CIITA: variants seen among roughly 807,000 people sequenced by gnomAD.
CIITA encodes the protein MHC class II transactivator.
A neutral mutation model predicts 115.1 loss-of-function variants in CIITA; 72 were observed. That is an observed-to-expected ratio of 0.63 (90% CI 0.52 to 0.76). The LOEUF is 0.76. CIITA is among the 30% of genes least tolerant of loss of function. The probability of loss-of-function intolerance (pLI) is 0.00; values close to 1 mark genes in which losing one functional copy is unlikely to be tolerated. For missense variants in CIITA, 1,617 were observed against 1,463.8 expected, an observed-to-expected ratio of 1.10 and a Z score of -1.71; for synonymous variants, 763 against 635.6, an observed-to-expected ratio of 1.20 and a Z score of -3.02.
At chr16:10,903,707 C>T (rs1394016308) in intron 8 of CIITA, 24 bp from the exon 9 acceptor site, 3 of 1,613,916 alleles carry the variant, frequency 1.9e-6, no homozygotes, top group East Asian at 4.5e-5. Context: ...GTTATTCTCA[C>T]ACCACTCTCC....
At position 10,942,053 on chromosome 16, in the gene CIITA, C is replaced by G; in HGVS notation, n.1179C>G. ...GCCCGGCGATCCCGGCGAACTCAGC[C>G]GCTGCGGCGCCCGGGCGGCCGGCGA... On this transcript the variant is annotated non_coding_transcript_exon_variant, in exon 2 of 2. Coordinates refer to the CIITA transcript ENST00000573379. This position sits in a 1 kb window ranked among gnomAD's most constrained non-coding sequence, Gnocchi z 5.0. 2 of 1,334,132 alleles carry G rather than the reference C, an allele frequency of 1.5e-6. No homozygotes were observed. The highest frequency in any genetic ancestry group is 1.9e-6 in the Non-Finnish European group (2 of 1,045,036). 82.6% of individuals were successfully genotyped at this position (1,334,132 alleles called of 1,614,324 possible). A position where few individuals can be genotyped will look rare whatever the true frequency, so the allele number is the denominator to read the frequency against.
rs146990823 is a variant in CIITA at position 10,902,280 on chromosome 16, A to C, written c.628+96A>C. On this transcript the variant is annotated intron_variant, in intron 7 of 19. Coordinates refer to ENST00000324288, the MANE Select transcript of CIITA (RefSeq NM_000246.4). ...CAGGGACTGTCAGGAACTGGACCTC[A>C]CCTCTCCCCAACCCTATCAGTGTCA... 1,162 of 1,514,464 alleles carry C rather than the reference A, an allele frequency of 7.7e-4. 24 individuals carry two copies. The East Asian group carries it at 0.02, about 27-fold the overall frequency. 93.8% of individuals were successfully genotyped at this position (1,514,464 alleles called of 1,614,324 possible). A position where few individuals can be genotyped will look rare whatever the true frequency, so the allele number is the denominator to read the frequency against.
At position 10,934,613 on chromosome 16, in the gene CIITA, A is replaced by T. The variant is rs867784792; in HGVS notation, c.*10758A>T. On this transcript the variant is annotated 3_prime_UTR_variant, in exon 20 of 20. Coordinates refer to ENST00000324288, the MANE Select transcript of CIITA (RefSeq NM_000246.4). This position sits in a 1 kb window ranked among gnomAD's most constrained non-coding sequence, Gnocchi z 4.2. ...ATGGGTATCTGAGATGAGTCATCGA[A>T]CTTCTGCAAGCCTCAGTTTCCTCCC... The T allele has an allele frequency of 2.6e-5, 4 of 152,274 alleles. No individual in the cohort carries two copies. In the East Asian group the frequency reaches 7.7e-4, roughly 29 times the overall value. The allele number at this position is 152,274 out of a possible 1,614,324, so 9.4% of individuals were successfully genotyped here.
Position 10,942,500 on chromosome 16 carries a change from A to G in CIITA, n.1626A>G, listed in dbSNP as rs950706950. The stretch of plus-strand genomic sequence containing the variant: ...CCGCCTCCCGAGGGGCCCCGAGCTC[A>G]TTGGCAGGCCGCCCCCTGCACGCGC... On this transcript the variant is annotated non_coding_transcript_exon_variant, in exon 2 of 2. Coordinates refer to the CIITA transcript ENST00000573379. This position sits in a 1 kb window ranked among gnomAD's most constrained non-coding sequence, Gnocchi z 5.0. 5.3e-5 allele frequency: 8 copies of G among 152,256 alleles called. No homozygotes were observed. Among genetic ancestry groups the G allele is most frequent in the African/African-American group, 1.9e-4 (8 of 41,394 alleles). The allele number at this position is 152,256 out of a possible 1,614,324, so 9.4% of individuals were successfully genotyped here. A position where few individuals can be genotyped will look rare whatever the true frequency, so the allele number is the denominator to read the frequency against.
chr16:10,899,752 G>A (rs1051137323), intron 5 of CIITA, among the ~76,000 whole-genome samples: 7 of 152,118 alleles, frequency 4.6e-5, no homozygotes, highest in Non-Finnish European at 7.4e-5. Flanking sequence ...CAGGTGAATC[G>A]CACACAGGGT....
chr16:10,898,842 C>T, intron 4 of CIITA, 83 bp from the exon 5 acceptor site: 1 of 1,587,484 alleles, frequency 6.3e-7, no homozygotes, highest in Non-Finnish European at 8.6e-7. Flanking sequence ...AGTCAGACCC[C>T]TCTCCCCAAG....
At position 10,942,648 on chromosome 16, in the gene CIITA, T is replaced by G. The variant is rs1305924750; in HGVS notation, n.1774T>G. On this transcript the variant is annotated non_coding_transcript_exon_variant, in exon 2 of 2. Transcript: ENST00000573379. This position sits in a 1 kb window ranked among gnomAD's most constrained non-coding sequence, Gnocchi z 5.0. Reference sequence around the variant, plus strand: ...TTCCTGGTTCGGGTCTGCCCTCAGATCTCAAATCGAATTCGCTCTGCGTAT... The same window carrying G: ...TTCCTGGTTCGGGTCTGCCCTCAGAGCTCAAATCGAATTCGCTCTGCGTAT... 6.6e-6 allele frequency: 1 copy of G among 152,254 alleles called. No homozygotes were observed. The highest frequency in any genetic ancestry group is 2.4e-5 in the African/African-American group (1 of 41,470). 9.4% of individuals were successfully genotyped at this position (152,254 alleles called of 1,614,324 possible). A position where few individuals can be genotyped will look rare whatever the true frequency, so the allele number is the denominator to read the frequency against.
upstream of CIITA, among the ~76,000 whole-genome samples, chr16:10,874,030 G>C (rs1395777821): frequency 1.3e-5 from 2 of 152,166 alleles, no homozygotes; most frequent in Non-Finnish European, 2.9e-5. Flanking sequence ...GCCCAGGCTG[G>C]AGTGCAGTGG....
rs915566847 is a variant in CIITA, at chr16:10,935,651, C to A, written c.*11796C>A. 10 of 152,248 alleles carry A rather than the reference C, an allele frequency of 6.6e-5. No homozygotes were observed. Among genetic ancestry groups the A allele is most frequent in the Admixed American group, 3.3e-4 (5 of 15,282 alleles). The allele number at this position is 152,248 out of a possible 1,614,324, so 9.4% of individuals were successfully genotyped here. On this transcript the variant is annotated 3_prime_UTR_variant, in exon 20 of 20. Coordinates refer to ENST00000324288, the MANE Select transcript of CIITA (RefSeq NM_000246.4). ...ACCTGGCAGACACCACCTTCACCAA[C>A]TGATCAAAGTTAACATCGCCAGAAA...
intron 1 of CIITA, among the ~76,000 whole-genome samples, chr16:10,887,245 G>T (rs183904893): frequency 2.6e-5 from 4 of 151,898 alleles, no homozygotes; most frequent in Non-Finnish European, 5.9e-5. Context: ...GTTGGTGTTG[G>T]GGGGGGCCTT....
chr16:10,923,801 G>A lies in CIITA; in HGVS notation c.*23-77G>A. On this transcript the variant is annotated intron_variant, in intron 19 of 19. Transcript: ENST00000324288. This position sits in a 1 kb window ranked among gnomAD's most constrained non-coding sequence, Gnocchi z 5.2. ...CCCCTCCCATCCCCCCATCTTGATA[G>A]CACCCTTCCCAGGTGTCAAGCTGCC... 5.4e-6 allele frequency: 1 copy of A among 184,976 alleles called. No homozygotes were observed. The highest frequency in any genetic ancestry group is 1.1e-5 in the Non-Finnish European group (1 of 87,774). 11.5% of individuals were successfully genotyped at this position (184,976 alleles called of 1,614,324 possible).
rs1285021000 is a variant in CIITA, at chr16:10,907,147, G to T, written c.1655G>T (p.Arg552Leu). 1.9e-6 allele frequency: 3 copies of T among 1,611,944 alleles called. No homozygotes were observed. Among genetic ancestry groups the T allele is most frequent in the African/African-American group, 1.3e-5 (1 of 74,568 alleles). Reference sequence around the variant, plus strand: ...CTCCTCACAGCCCGGCCCCGGGGCCGCCTGGTCCAGAGCCTGAGCAAGGCC... The same window carrying T: ...CTCCTCACAGCCCGGCCCCGGGGCCTCCTGGTCCAGAGCCTGAGCAAGGCC... ...TLLLTARPRG[R>L]LVQSLSKADA... The change falls in exon 11 of 20, where the codon CGC becomes CTC. Residue 552 changes from arginine to leucine, a missense_variant. Transcript: ENST00000324288. This position sits in a 1 kb window ranked among gnomAD's most constrained non-coding sequence, Gnocchi z 5.0.
Position 10,879,738 on chromosome 16 carries a change from C to A in CIITA, c.52+2356C>A, listed in dbSNP as rs76821690. On this transcript the variant is annotated intron_variant, in intron 1 of 19. Coordinates refer to ENST00000324288, the MANE Select transcript of CIITA (RefSeq NM_000246.4). The surrounding 1 kb of genome is among the most constrained non-coding windows in gnomAD (Gnocchi z 4.3). Reference sequence around the variant, plus strand: ...CACCCTCTAAGGAGAGAGGCTAAAGCGCCCCGGAAAGCCAGCGTGCGAATG... The same window carrying A: ...CACCCTCTAAGGAGAGAGGCTAAAGAGCCCCGGAAAGCCAGCGTGCGAATG... Among the ~76,000 whole-genome samples, 1 of 152,166 alleles carries A rather than the reference C, an allele frequency of 6.6e-6. No individual in the cohort carries two copies. The highest frequency in any genetic ancestry group is 2.4e-5 in the African/African-American group (1 of 41,434).
chr16:10,903,779 TCCACGG>T lies in CIITA; in HGVS notation c.824_829del (p.His275_Gly276del), dbSNP rs1460200857. On this transcript the variant is annotated inframe_deletion, in exon 9 of 20. Transcript: ENST00000324288. ...GTACCCCCTCCCAGTGGATTCACTG[TCCACGG>T]CCTCCCAACATCTCCAGACCGGCCA... 2 of 1,614,164 alleles carry T rather than the reference TCCACGG, an allele frequency of 1.2e-6. No homozygotes were observed. The highest frequency in any genetic ancestry group is 4.5e-5 in the East Asian group (2 of 44,884).
At chr16:10,903,678 T>C (rs564629126) in intron 8 of CIITA, 53 bp from the exon 9 acceptor site, 1 of 1,605,352 alleles carries the variant, frequency 6.2e-7, no homozygotes, top group African/African-American at 1.3e-5. Flanking sequence ...CCCAAGTGCA[T>C]TTCTGGAATC....
rs1333158733 is a variant in CIITA, at chr16:10,907,880, G to A, written c.2388G>A (p.Leu796=). Residue 796 remains leucine, a synonymous_variant, in exon 11 of 20, where the codon CTG becomes CTA. Transcript: ENST00000324288. This position sits in a 1 kb window ranked among gnomAD's most constrained non-coding sequence, Gnocchi z 5.0. ...QKVLARYLKR[L]QPGTLRARQL... is the part of the protein sequence containing the mutation. ...TGCTTGCGAGGTACCTGAAGCGGCTGCAGCCGGGGACACTGCGGGCGCGGC... is the reference window on the plus strand; with the variant it reads ...TGCTTGCGAGGTACCTGAAGCGGCTACAGCCGGGGACACTGCGGGCGCGGC... 3 of 1,604,686 alleles carry A rather than the reference G, an allele frequency of 1.9e-6. No individual in the cohort carries two copies. Among genetic ancestry groups the A allele is most frequent in the Admixed American group, 3.4e-5 (2 of 59,210 alleles).
rs910448606 is a variant in CIITA, at chr16:10,926,993, C to G, written c.*3138C>G. 6.6e-6 allele frequency: 1 copy of G among 152,236 alleles called. No homozygotes were observed. Among genetic ancestry groups the G allele is most frequent in the African/African-American group, 2.4e-5 (1 of 41,454 alleles). 9.4% of individuals were successfully genotyped at this position (152,236 alleles called of 1,614,324 possible). A position where few individuals can be genotyped will look rare whatever the true frequency, so the allele number is the denominator to read the frequency against. On this transcript the variant is annotated 3_prime_UTR_variant, in exon 20 of 20. Coordinates refer to ENST00000324288, the MANE Select transcript of CIITA (RefSeq NM_000246.4). ...GGGGCAAGTGGCAGAGACTCTAGAA[C>G]GAGATTGCCTGGGCTCAACGCCCAC...
At chr16:10,910,054 G>A (rs1410356336) in intron 12 of CIITA, 134 bp from the exon 13 acceptor site, 2 of 717,382 alleles carry the variant, frequency 2.8e-6, no homozygotes, top group Non-Finnish European at 4.9e-6. Context: ...TTTTTAAGAG[G>A]GGGACAACAG....
At chr16:10,867,324 G>GA (rs2035147630) in intron 1 of CIITA, among the ~76,000 whole-genome samples, 1 of 32,730 alleles carries the variant, frequency 3.1e-5, no homozygotes, top group South Asian at 1.1e-3. Flanking sequence ...TGTGTGTGTT[G>GA]GGGGGGGGCA....
Sources: gnomAD v4.1 joint callset for allele counts (sites outside exome capture counted in the v4.1 genomes callset) on GRCh38, gnomAD v4.1.1 for gene constraint, Gnocchi (gnomAD v3.1) non-coding constraint, MANE v1.5 for transcripts, NCBI Gene and HGNC (gene_info 2026-07-23, HGNC 2026-07-21) for gene names.